Variants in PPP3CC observed in about 807,000 individuals in gnomAD.
The protein encoded by PPP3CC is protein phosphatase 3 catalytic subunit gamma, also known as serine/threonine-protein phosphatase 2B catalytic subunit gamma isoform.
In PPP3CC, 35 loss-of-function variants were observed where a neutral mutation model predicts 60.3. That is an observed-to-expected ratio of 0.58 (90% CI 0.44 to 0.77). PPP3CC has a LOEUF of 0.77. PPP3CC is among the 30% of genes least tolerant of loss of function. PPP3CC has a pLI of 0.00. For synonymous variants in PPP3CC, 206 were observed against 224.3 expected (o/e 0.92, Z 0.73); for missense variants, 570 against 628.9 (o/e 0.91, Z 1.00).
intron 3 of PPP3CC, among the ~76,000 whole-genome samples, chr8:22,497,095 TC>T (rs1306119297): frequency 6.6e-6 from 1 of 152,146 alleles, no homozygotes; most frequent in Non-Finnish European, 1.5e-5. Context: ...AGTGGCATGA[TC>T]TTGGCTTATG....
chr8:22,462,807 G>C (rs1046537300), intron 1 of PPP3CC, among the ~76,000 whole-genome samples: 8 of 152,108 alleles, frequency 5.3e-5, no homozygotes, highest in African/African-American at 1.7e-4. Flanking sequence ...CTTTTTCTTA[G>C]ATGATAATTT....
At chr8:22,514,275 A>G (rs2117098934) in intron 6 of PPP3CC, among the ~76,000 whole-genome samples, 1 of 151,104 alleles carries the variant, frequency 6.6e-6, no homozygotes, top group South Asian at 2.1e-4. Context: ...AAAAAAAGGA[A>G]GACATAAGAG....
intron 3 of PPP3CC, 149 bp downstream of exon 3, chr8:22,475,773 A>T: frequency 2.5e-6 from 2 of 791,714 alleles, no homozygotes; most frequent in Non-Finnish European, 3.7e-6. Context: ...AAATGTTTTA[A>T]TTGATAGAAC....
chr8:22,506,928 A>T lies in PPP3CC; in HGVS notation c.485-4158A>T, dbSNP rs189860904. On this transcript the variant is annotated intron_variant, in intron 4 of 13. Transcript: ENST00000240139. ...CTGCACTCCAGTCTCTCAAATAAAT[A>T]AATTAATTAATTAATTAATTAAATT... Among the ~76,000 whole-genome samples, 789 of 150,932 alleles carry T rather than the reference A, an allele frequency of 5.2e-3. 1 individual carries two copies. Among genetic ancestry groups the T allele is most frequent in the African/African-American group, 0.012 (493 of 41,290 alleles).
chr8:22,502,199 G>T (rs1339237151), intron 4 of PPP3CC, among the ~76,000 whole-genome samples: 1 of 152,118 alleles, frequency 6.6e-6, no homozygotes, highest in Non-Finnish European at 1.5e-5. Flanking sequence ...GTCAATGCAG[G>T]TCATTTTAGA....
chr8:22,446,546 A>G (rs907695536), intron 1 of PPP3CC, among the ~76,000 whole-genome samples: 1 of 152,220 alleles, frequency 6.6e-6, no homozygotes, highest in Non-Finnish European at 1.5e-5. Flanking sequence ...TTTTTAGGCC[A>G]GGCGTGGTGG....
intron 3 of PPP3CC, among the ~76,000 whole-genome samples, chr8:22,481,364 A>AATAATT (rs1554533262): frequency 6.8e-6 from 1 of 147,914 alleles, no homozygotes; most frequent in African/African-American, 2.5e-5. Context: ...TAATAATAAT[A>AATAATT]ATAATAATAA....
intron 4 of PPP3CC, among the ~76,000 whole-genome samples, chr8:22,502,129 C>T (rs1373265134): frequency 6.6e-6 from 1 of 152,140 alleles, no homozygotes; most frequent in Non-Finnish European, 1.5e-5. Context: ...ATGGGAGTCT[C>T]ATCATACTTA....
intron 2 of PPP3CC, 38 bp from the exon 3 acceptor site, chr8:22,475,462 G>A: frequency 1.9e-6 from 3 of 1,585,164 alleles, no homozygotes; most frequent in Non-Finnish European, 2.6e-6. Context: ...GTCTTCTAAG[G>A]TATAATTTCT....
chr8:22,514,306 T>C (rs1839180313), intron 6 of PPP3CC, among the ~76,000 whole-genome samples: 1 of 151,784 alleles, frequency 6.6e-6, no homozygotes, highest in South Asian at 2.1e-4. Flanking sequence ...TCTAAATTAT[T>C]TTTAATCCCA....
At chr8:22,525,526 CTTTCTTTCTT>C (rs1563780357) in intron 8 of PPP3CC, among the ~76,000 whole-genome samples, 2 of 95,576 alleles carry the variant, frequency 2.1e-5, no homozygotes, top group African/African-American at 8.5e-5. Context: ...TTCTTTCTTT[CTTTCTTTCTT>C]TCTCTCCCTC....
At chr8:22,485,044 C>T (rs1838184558) in intron 3 of PPP3CC, among the ~76,000 whole-genome samples, 1 of 152,084 alleles carries the variant, frequency 6.6e-6, no homozygotes, top group Non-Finnish European at 1.5e-5. Context: ...TATTTTCTAA[C>T]TGTGGTCTTT....
chr8:22,467,202 T>A (rs532689205), intron 1 of PPP3CC, among the ~76,000 whole-genome samples: 13 of 152,184 alleles, frequency 8.5e-5, no homozygotes, highest in East Asian at 7.7e-4. Flanking sequence ...TAAAAAAAAA[T>A]TTATGGTATT....
At chr8:22,441,493 C>A in intron 1 of PPP3CC, 35 bp downstream of exon 1, 1 of 1,513,146 alleles carries the variant, frequency 6.6e-7, no homozygotes, top group African/African-American at 1.4e-5. Context: ...CTGGGACCCG[C>A]GGGAAACGGC....
chr8:22,537,998 T>C (rs532273528), intron 12 of PPP3CC, among the ~76,000 whole-genome samples: 2 of 152,338 alleles, frequency 1.3e-5, no homozygotes, highest in African/African-American at 2.4e-5. Context: ...GTTGCACAGC[T>C]CTACTATATT....
intron 4 of PPP3CC, among the ~76,000 whole-genome samples, chr8:22,505,166 A>C (rs2449343): frequency 0.45 from 67,865 of 151,184 alleles, 15,398 homozygotes; most frequent in East Asian, 0.61. Flanking sequence ...AGCTGGGATT[A>C]CAGGCACGCA....
intron 8 of PPP3CC, among the ~76,000 whole-genome samples, chr8:22,526,906 A>G (rs1269203612): frequency 1.3e-5 from 2 of 152,210 alleles, no homozygotes; most frequent in Admixed American, 6.5e-5. Flanking sequence ...CAAGTTTGCC[A>G]TTTGTATCTT....
intron 1 of PPP3CC, among the ~76,000 whole-genome samples, chr8:22,474,669 A>G (rs1047395552): frequency 1.3e-5 from 2 of 152,302 alleles, no homozygotes; most frequent in East Asian, 1.9e-4. Flanking sequence ...GTGTCACTGC[A>G]TTCCAGCCTG....
chr8:22,531,384 C>G (rs17060900), intron 10 of PPP3CC: 79,987 of 1,458,800 alleles, frequency 0.055, 2,505 homozygotes, highest in South Asian at 0.1. Flanking sequence ...CCACCATAGT[C>G]TATTGGTTAG....
Sources: gnomAD v4.1 joint callset for allele counts (sites outside exome capture counted in the v4.1 genomes callset) on GRCh38, gnomAD v4.1.1 for gene constraint, MANE v1.5 for transcripts, NCBI Gene and HGNC (gene_info 2026-07-23, HGNC 2026-07-21) for gene names.